The following ZBTB20 variants were observed in gnomAD, a reference collection of about 807,000 sequenced individuals.
The protein encoded by ZBTB20 is zinc finger and BTB domain containing 20.
In ZBTB20, 9 loss-of-function variants were observed where a neutral mutation model predicts 56.9. The observed-to-expected ratio is 0.16, with a 90% confidence interval of 0.10 to 0.28. ZBTB20 has a LOEUF of 0.28. Ranked by LOEUF, ZBTB20 falls within the 10% of genes least tolerant of loss-of-function variation. ZBTB20 has a pLI of 1.00. For missense variants in ZBTB20, 655 were observed against 1,003.0 expected, an observed-to-expected ratio of 0.65 and a Z score of 4.69; for synonymous variants, 417 against 420.7, an observed-to-expected ratio of 0.99 and a Z score of 0.11.
rs191116648 is a variant in ZBTB20, at chr3:114,667,426, G to A, written c.-295+26102C>T. Among the ~76,000 whole-genome samples, 16 of 152,092 alleles carry A rather than the reference G, an allele frequency of 1.1e-4. No individual in the cohort carries two copies. The East Asian group carries it at 1.7e-3, about 17-fold the overall frequency. On this transcript the variant is annotated intron_variant, in intron 6 of 11. Transcript: ENST00000675478. ...GATTGCAGGCTGCAATGATTAACACGTTTTAAAAGAAATGGGTCCATACTA... is the reference window on the plus strand; with the variant it reads ...GATTGCAGGCTGCAATGATTAACACATTTTAAAAGAAATGGGTCCATACTA...
Position 114,789,805 on chromosome 3 carries a change from T to C in ZBTB20, c.-343+11296A>G, listed in dbSNP as rs1354720667. The stretch of plus-strand genomic sequence containing the variant: ...TCATGAAAATGGTCTGCGGAAGTCA[T>C]GAGGTGAGAAGAAGATAAACAGGTA... On this transcript the variant is annotated intron_variant, in intron 5 of 11. Coordinates refer to ENST00000675478, the MANE Select transcript of ZBTB20 (RefSeq NM_001348800.3). Among the ~76,000 whole-genome samples the C allele has an allele frequency of 5.3e-5, 8 of 152,250 alleles. 1 individual carries two copies. In the South Asian group the frequency reaches 1.2e-3, roughly 24 times the overall value.
chr3:114,913,715 GT>G (rs1396102709), intron 3 of ZBTB20, among the ~76,000 whole-genome samples: 1 of 151,612 alleles, frequency 6.6e-6, no homozygotes, highest in Non-Finnish European at 1.5e-5. Context: ...ATAGTTTGAG[GT>G]ATTAGACTTA....
intron 7 of ZBTB20, among the ~76,000 whole-genome samples, chr3:114,442,719 C>A (rs1265928594): frequency 6.6e-6 from 1 of 152,134 alleles, no homozygotes; most frequent in Admixed American, 6.6e-5. Context: ...ATGTGATCTA[C>A]CTCTTTTTCG....
intron 7 of ZBTB20, among the ~76,000 whole-genome samples, chr3:114,398,139 C>G (rs1179538387): frequency 4.6e-5 from 7 of 152,060 alleles, no homozygotes; most frequent in Admixed American, 3.3e-4. Flanking sequence ...AAAAATGTAT[C>G]CTTTATGAAA....
At chr3:114,510,276 G>A (rs1559889332) in intron 6 of ZBTB20, among the ~76,000 whole-genome samples, 1 of 152,156 alleles carries the variant, frequency 6.6e-6, no homozygotes, top group Non-Finnish European at 1.5e-5. Flanking sequence ...CACTTCAAGG[G>A]AAGTCCATTC....
chr3:114,626,270 CTG>C (rs2058654111), intron 6 of ZBTB20, among the ~76,000 whole-genome samples: 1 of 152,190 alleles, frequency 6.6e-6, no homozygotes. Context: ...TATTTACTAA[CTG>C]TTTAATCTTG....
intron 1 of ZBTB20, among the ~76,000 whole-genome samples, chr3:115,122,618 C>CAGA (rs2084214710): frequency 6.6e-6 from 1 of 152,016 alleles, no homozygotes; most frequent in Admixed American, 6.6e-5. Context: ...TTTGTCCTGC[C>CAGA]TCTCCATAAA....
intron 5 of ZBTB20, among the ~76,000 whole-genome samples, chr3:114,777,267 C>A (rs900889561): frequency 1.3e-5 from 2 of 151,958 alleles, no homozygotes; most frequent in African/African-American, 4.8e-5. Flanking sequence ...ACCTGTAATC[C>A]CAGCACTTTG....
intron 7 of ZBTB20, among the ~76,000 whole-genome samples, chr3:114,498,684 C>T (rs1305632808): frequency 2.0e-5 from 3 of 152,142 alleles, no homozygotes; most frequent in African/African-American, 7.2e-5. Context: ...ATAGGTCACT[C>T]CCCCAGCCTT....
chr3:114,989,508 G>A (rs1443500670), intron 2 of ZBTB20, among the ~76,000 whole-genome samples: 1 of 152,142 alleles, frequency 6.6e-6, no homozygotes, highest in Non-Finnish European at 1.5e-5. Context: ...CTGTAGCCTT[G>A]TAGTATAGTT....
At chr3:114,501,101 C>A (rs76150798) in intron 6 of ZBTB20, among the ~76,000 whole-genome samples, 1 of 152,076 alleles carries the variant, frequency 6.6e-6, no homozygotes, top group African/African-American at 2.4e-5. Flanking sequence ...AAGTTTGCCC[C>A]GGACTTGCCT....
intron 6 of ZBTB20, among the ~76,000 whole-genome samples, chr3:114,615,930 C>T (rs1442181362): frequency 3.9e-5 from 6 of 152,186 alleles, no homozygotes; most frequent in Non-Finnish European, 7.3e-5. Flanking sequence ...CCTTCTGATA[C>T]GCAGCAGGAT....
At chr3:114,765,120 G>A (rs1210662543) in intron 5 of ZBTB20, among the ~76,000 whole-genome samples, 1 of 152,176 alleles carries the variant, frequency 6.6e-6, no homozygotes, top group Non-Finnish European at 1.5e-5. Context: ...TAAGAACTAT[G>A]TACAGCTTGC....
intron 7 of ZBTB20, among the ~76,000 whole-genome samples, chr3:114,421,544 CT>C (rs1257969645): frequency 6.6e-6 from 1 of 152,126 alleles, no homozygotes; most frequent in Admixed American, 6.6e-5. Flanking sequence ...AGCCTAACAG[CT>C]TTTGAATCCA....
Position 114,364,802 on chromosome 3 carries a change from C to A in ZBTB20, c.200-12924G>T, listed in dbSNP as rs142129449. 3.9e-4 allele frequency among the ~76,000 whole-genome samples: 60 copies of A among 152,316 alleles called. No homozygotes were observed. The East Asian group carries it at 6.7e-3, about 17-fold the overall frequency. Reference sequence around the variant, plus strand: ...TATCCAACTGATTAATTAGTAGATTCATTTTTCAACTACTGTAGCCCCAAA... The same window carrying A: ...TATCCAACTGATTAATTAGTAGATTAATTTTTCAACTACTGTAGCCCCAAA... On this transcript the variant is annotated intron_variant, in intron 10 of 11. Transcript: ENST00000675478.
At chr3:114,540,137 C>A (rs951488210) in intron 6 of ZBTB20, among the ~76,000 whole-genome samples, 9 of 151,990 alleles carry the variant, frequency 5.9e-5, no homozygotes, top group South Asian at 2.1e-4. Context: ...TCATTTAGCT[C>A]CCACTTATAA....
intron 5 of ZBTB20, among the ~76,000 whole-genome samples, chr3:114,729,745 G>A (rs768914821): frequency 2.0e-5 from 3 of 152,120 alleles, no homozygotes; most frequent in South Asian, 4.1e-4. Context: ...CCTTGCTATC[G>A]AGGATTTTTA....
chr3:115,003,974 T>C (rs148451073), intron 2 of ZBTB20, among the ~76,000 whole-genome samples: 1 of 151,824 alleles, frequency 6.6e-6, no homozygotes, highest in East Asian at 2.0e-4. Context: ...TCAGGTTATT[T>C]ATAAAATTTT....
In ZBTB20 at chr3:114,380,927, T is replaced by A; in HGVS notation, c.-140A>T. 1.7e-6 allele frequency: 1 copy of A among 578,270 alleles called. No individual in the cohort carries two copies. The highest frequency in any genetic ancestry group is 2.7e-6 in the Non-Finnish European group (1 of 372,816). The allele number at this position is 578,270 out of a possible 1,614,324, so 35.8% of individuals were successfully genotyped here. On this transcript the variant is annotated 5_prime_UTR_variant, in exon 9 of 12. In the 5' UTR this introduces an upstream ATG that the reference lacks. Transcript: ENST00000675478. ...GGCACCTCACTTCACCTCTCTGGGC[T>A]TCAGTTTCCTCATCTGTAAAATAAA...
Sources: gnomAD v4.1 joint callset for allele counts (sites outside exome capture counted in the v4.1 genomes callset) on GRCh38, gnomAD v4.1.1 for gene constraint, MANE v1.5 for transcripts, NCBI Gene and HGNC (gene_info 2026-07-23, HGNC 2026-07-21) for gene names.